RHOBTB2: variants seen among roughly 807,000 people sequenced by gnomAD.
RHOBTB2 encodes the protein rho-related BTB domain-containing protein 2.
A neutral mutation model predicts 66.5 loss-of-function variants in RHOBTB2; 39 were observed. The observed-to-expected ratio is 0.59, with a 90% CI of 0.45 to 0.77. The LOEUF is 0.77. RHOBTB2 is among the 30% of genes least tolerant of loss of function. The pLI is 0.00. For missense variants in RHOBTB2, 755 were observed against 999.1 expected (o/e 0.76, Z 3.29); for synonymous variants, 390 against 395.0 (o/e 0.99, Z 0.15).
chr8:22,967,602 T>TA, the RHOBTB2 span, among the ~76,000 whole-genome samples: 195 of 57,802 alleles, frequency 3.4e-3, 1 homozygote, highest in South Asian at 0.01. Flanking sequence ...AAACTCTGTC[T>TA]AAAAAAAAAA....
chr8:22,988,889 G>A (rs1196572991), intron 1 of RHOBTB2, among the ~76,000 whole-genome samples: 1 of 152,170 alleles, frequency 6.6e-6, no homozygotes, highest in Non-Finnish European at 1.5e-5. Context: ...AAGGGCACGG[G>A]CTCTGCAGAA....
At position 23,006,377 on chromosome 8, in the gene RHOBTB2, G is replaced by C; in HGVS notation, c.482+232G>C. 1 of 557,010 alleles carries C rather than the reference G, an allele frequency of 1.8e-6. No homozygotes were observed. The highest frequency in any genetic ancestry group is 3.2e-6 in the Non-Finnish European group (1 of 314,816). The allele number at this position is 557,010 out of a possible 1,614,324, so 34.5% of individuals were successfully genotyped here. On this transcript the variant is annotated intron_variant, in intron 4 of 9. Coordinates refer to ENST00000251822, the MANE Select transcript of RHOBTB2 (RefSeq NM_015178.3). This position sits in a 1 kb window ranked among gnomAD's most constrained non-coding sequence, Gnocchi z 6.1. Reference sequence around the variant, plus strand: ...CATGAAGAAAAATAGAGAGGAAGAGGTGATATTTGCATGAAAAAGTCCTAT... The same window carrying C: ...CATGAAGAAAAATAGAGAGGAAGAGCTGATATTTGCATGAAAAAGTCCTAT...
intron 5 of RHOBTB2, 45 bp downstream of exon 5, chr8:23,007,791 A>G (rs1811018901): frequency 1.3e-6 from 2 of 1,595,770 alleles, no homozygotes; most frequent in Non-Finnish European, 1.7e-6. Context: ...CATTGGTGCT[A>G]TTAGCATTGC....
chr8:23,007,906 G>C (rs1425401146), intron 5 of RHOBTB2, 87 bp from the exon 6 acceptor site: 1 of 1,490,478 alleles, frequency 6.7e-7, no homozygotes, highest in African/African-American at 1.4e-5. Flanking sequence ...GAATCTTCTG[G>C]GTTCAGGAGG....
At chr8:22,965,834 T>C in the RHOBTB2 span, among the ~76,000 whole-genome samples, 1 of 152,138 alleles carries the variant, frequency 6.6e-6, no homozygotes, top group South Asian at 2.1e-4. Context: ...GAAGAAAACA[T>C]AGAGGCAAAG....
At chr8:22,989,867 C>A (rs1237967414) in intron 1 of RHOBTB2, among the ~76,000 whole-genome samples, 1 of 152,204 alleles carries the variant, frequency 6.6e-6, no homozygotes, top group African/African-American at 2.4e-5. Flanking sequence ...GAGCCAGACG[C>A]CTGATGAGAA....
chr8:22,952,326 G>A, the RHOBTB2 span, among the ~76,000 whole-genome samples: 1 of 151,910 alleles, frequency 6.6e-6, no homozygotes, highest in Non-Finnish European at 1.5e-5. Flanking sequence ...CCACCTGCTC[G>A]CTCCCTCCTC....
upstream of RHOBTB2, among the ~76,000 whole-genome samples, chr8:22,986,296 ACAGGGTCT>A (rs1439229036): frequency 6.0e-5 from 7 of 116,334 alleles, no homozygotes; most frequent in East Asian, 1.5e-3. Flanking sequence ...TTTCTGGGAG[ACAGGGTCT>A]CACTCTTTTC....
Position 23,004,735 on chromosome 8 carries a change from T to C in RHOBTB2, c.192+109T>C, listed in dbSNP as rs984988245. 10 of 1,038,588 alleles carry C rather than the reference T, an allele frequency of 9.6e-6. No individual in the cohort carries two copies. The highest frequency in any genetic ancestry group is 1.4e-5 in the Non-Finnish European group (10 of 706,308). The allele number at this position is 1,038,588 out of a possible 1,614,324, so 64.3% of individuals were successfully genotyped here. On this transcript the variant is annotated intron_variant, in intron 2 of 9. Coordinates refer to ENST00000251822, the MANE Select transcript of RHOBTB2 (RefSeq NM_015178.3). The surrounding 1 kb of genome is among the most constrained non-coding windows in gnomAD (Gnocchi z 6.4). ...AGAGCTCACGGGAGCCCTCTAGGGG[T>C]GGGACAGGATGGGTTGGGGGCAGCT...
At chr8:22,972,978 C>A in the RHOBTB2 span, among the ~76,000 whole-genome samples, 1 of 152,238 alleles carries the variant, frequency 6.6e-6, no homozygotes, top group African/African-American at 2.4e-5. Flanking sequence ...GCCCCTGCGC[C>A]TTTGCACAGG....
At chr8:22,962,635 A>G in the RHOBTB2 span, among the ~76,000 whole-genome samples, 1 of 152,250 alleles carries the variant, frequency 6.6e-6, no homozygotes, top group African/African-American at 2.4e-5. Context: ...ATTAAAGGCT[A>G]TAGATGAAGC....
chr8:23,005,864 T>C (rs1276586189), intron 3 of RHOBTB2, 96 bp from the exon 4 acceptor site: 7 of 1,121,448 alleles, frequency 6.2e-6, no homozygotes, highest in Non-Finnish European at 7.8e-6. Context: ...CTAAGCCAGG[T>C]GTGGGACTGT....
the RHOBTB2 span, among the ~76,000 whole-genome samples, chr8:22,952,106 T>C: frequency 1.3e-5 from 2 of 152,174 alleles, no homozygotes; most frequent in Non-Finnish European, 2.9e-5. Flanking sequence ...CTTATCTAAC[T>C]ACGTGCTTAC....
At chr8:23,011,913 C>A (rs1190535583) in intron 7 of RHOBTB2, among the ~76,000 whole-genome samples, 1 of 152,062 alleles carries the variant, frequency 6.6e-6, no homozygotes, top group Non-Finnish European at 1.5e-5. Context: ...AAACAGCAAT[C>A]CGTGAGGAAA....
intron 6 of RHOBTB2, among the ~76,000 whole-genome samples, chr8:23,009,524 C>T (rs919489755): frequency 2.6e-5 from 4 of 152,114 alleles, no homozygotes; most frequent in African/African-American, 4.8e-5. Context: ...ACGTCCACAC[C>T]GTTTCCCCTA....
the RHOBTB2 span, among the ~76,000 whole-genome samples, chr8:22,974,113 C>T: frequency 6.6e-6 from 1 of 152,096 alleles, no homozygotes; most frequent in Non-Finnish European, 1.5e-5. Flanking sequence ...TCCCTCCCTC[C>T]GAGTTTGCTG....
chr8:23,008,513 G>A (rs1811041494), intron 6 of RHOBTB2, among the ~76,000 whole-genome samples: 1 of 152,144 alleles, frequency 6.6e-6, no homozygotes. Context: ...CTGCCTCCCT[G>A]ACACACTTGA....
the RHOBTB2 span, among the ~76,000 whole-genome samples, chr8:22,976,395 G>A: frequency 6.6e-6 from 1 of 152,068 alleles, no homozygotes; most frequent in Non-Finnish European, 1.5e-5. Context: ...GGGGAAGACG[G>A]GACAAAAAGA....
chr8:23,004,535 G>T lies in RHOBTB2; in HGVS notation c.101G>T (p.Arg34Leu). ...GGTAAGACCAGGCTCATCTGTGCCC[G>T]CGCTTGCAATGCCACCCTCACCCAG... ...AVGKTRLICA[R>L]ACNATLTQYQ... is the part of the protein sequence containing the mutation. The change falls in exon 2 of 10, where the codon CGC becomes CTC. Residue 34 changes from arginine (R) to leucine (L), a missense_variant. By Grantham distance (102) the Arg-to-Leu change is moderately radical. Coordinates refer to ENST00000251822, the MANE Select transcript of RHOBTB2 (RefSeq NM_015178.3). This position sits in a 1 kb window ranked among gnomAD's most constrained non-coding sequence, Gnocchi z 6.4. 2 of 1,614,202 alleles carry T rather than the reference G, an allele frequency of 1.2e-6. No individual in the cohort carries two copies. Among genetic ancestry groups the T allele is most frequent in the Non-Finnish European group, 8.5e-7 (1 of 1,180,046 alleles).
Sources: gnomAD v4.1 joint callset for allele counts (sites outside exome capture counted in the v4.1 genomes callset) on GRCh38, gnomAD v4.1.1 for gene constraint, Gnocchi (gnomAD v3.1) non-coding constraint, MANE v1.5 for transcripts, NCBI Gene and HGNC (gene_info 2026-07-23, HGNC 2026-07-21) for gene names.